LRRTM4: variants seen among roughly 807,000 people sequenced by gnomAD.
LRRTM4 encodes leucine-rich repeat transmembrane neuronal protein 4.
A neutral mutation model predicts 47.6 loss-of-function variants in LRRTM4; 25 were observed. The observed-to-expected ratio is 0.53, with a 90% CI of 0.38 to 0.73. The LOEUF is 0.73. Among genes scored for constraint, LRRTM4 ranks in the 30% least tolerant of loss-of-function variants. The probability of loss-of-function intolerance (pLI) is 0.00; values close to 1 mark genes in which losing one functional copy is unlikely to be tolerated. For synonymous variants in LRRTM4, 311 were observed against 269.5 expected (o/e 1.15, Z -1.51); for missense variants, 638 against 713.4 (o/e 0.89, Z 1.20).
At chr2:77,096,294 G>T (rs1049155443) in intron 3 of LRRTM4, among the ~76,000 whole-genome samples, 2 of 151,726 alleles carry the variant, frequency 1.3e-5, no homozygotes, top group African/African-American at 2.4e-5. Flanking sequence ...AAAAACTGTC[G>T]TAATTTAAAT....
intron 3 of LRRTM4, among the ~76,000 whole-genome samples, chr2:77,026,556 G>A (rs1188583255): frequency 6.6e-6 from 1 of 151,946 alleles, no homozygotes; most frequent in Non-Finnish European, 1.5e-5. Flanking sequence ...TAAGTGAATA[G>A]CCTATTTCTA....
At chr2:77,245,677 TTCTC>T (rs1338589396) in intron 3 of LRRTM4, among the ~76,000 whole-genome samples, 1 of 152,146 alleles carries the variant, frequency 6.6e-6, no homozygotes, top group Non-Finnish European at 1.5e-5. Flanking sequence ...CATTTTTTCT[TTCTC>T]AGAGCAAACT....
chr2:76,910,487 A>G (rs915571228), intron 3 of LRRTM4, among the ~76,000 whole-genome samples: 1 of 152,200 alleles, frequency 6.6e-6, no homozygotes, highest in Non-Finnish European at 1.5e-5. Context: ...CCTAAAACTT[A>G]AAGTATAATA....
intron 3 of LRRTM4, among the ~76,000 whole-genome samples, chr2:76,988,482 A>G (rs1477749079): frequency 6.6e-6 from 1 of 151,804 alleles, no homozygotes; most frequent in Non-Finnish European, 1.5e-5. Context: ...TCTACACAAG[A>G]GTTTTCTTTT....
intron 3 of LRRTM4, among the ~76,000 whole-genome samples, chr2:77,309,311 A>G (rs1573230429): frequency 6.6e-6 from 1 of 152,158 alleles, no homozygotes; most frequent in Non-Finnish European, 1.5e-5. Context: ...GACTCAGGAA[A>G]CGTGAAAATA....
intron 3 of LRRTM4, among the ~76,000 whole-genome samples, chr2:76,962,094 T>C (rs1675879424): frequency 6.6e-6 from 1 of 151,222 alleles, no homozygotes; most frequent in Non-Finnish European, 1.5e-5. Flanking sequence ...CTGTAACTAT[T>C]TAAAGATGAT....
At chr2:76,808,246 C>A (rs1238480883) in intron 3 of LRRTM4, among the ~76,000 whole-genome samples, 1 of 151,966 alleles carries the variant, frequency 6.6e-6, no homozygotes, top group Non-Finnish European at 1.5e-5. Context: ...TCTCGAACTC[C>A]TGACTTCGTG....
chr2:77,033,363 C>A (rs1678726968), intron 3 of LRRTM4, among the ~76,000 whole-genome samples: 1 of 151,486 alleles, frequency 6.6e-6, no homozygotes, highest in African/African-American at 2.4e-5. Context: ...AGTCTAACAG[C>A]AATGAAAGAC....
chr2:77,259,099 C>G (rs1205385413), intron 3 of LRRTM4, among the ~76,000 whole-genome samples: 2 of 151,512 alleles, frequency 1.3e-5, no homozygotes, highest in South Asian at 4.1e-4. Context: ...AATGCTCAAA[C>G]ATAAATATAA....
chr2:76,756,231 T>C lies in LRRTM4; in HGVS notation c.1552-7315A>G, dbSNP rs536541890. 1.4e-4 allele frequency among the ~76,000 whole-genome samples: 22 copies of C among 152,290 alleles called. No individual in the cohort carries two copies. In the South Asian group the frequency reaches 4.6e-3, roughly 32 times the overall value. ...GAACTTCAAGTTTTTAGACATAGCT[T>C]TGTTCCTTCAATCATTTGCAAATTA... is the stretch of plus-strand genomic sequence containing the variant. On this transcript the variant is annotated intron_variant, in intron 3 of 3. Coordinates refer to ENST00000409884, the MANE Select transcript of LRRTM4 (RefSeq NM_001134745.3).
chr2:77,076,215 C>T (rs1680332221), intron 3 of LRRTM4, among the ~76,000 whole-genome samples: 1 of 152,160 alleles, frequency 6.6e-6, no homozygotes, highest in Non-Finnish European at 1.5e-5. Context: ...CTTAGCAGAA[C>T]TTACACTGTC....
At chr2:76,836,868 G>A (rs944678211) in intron 3 of LRRTM4, among the ~76,000 whole-genome samples, 8 of 151,976 alleles carry the variant, frequency 5.3e-5, no homozygotes, top group Non-Finnish European at 8.8e-5. Flanking sequence ...TTTTTAGGCC[G>A]GTCTAAGAGA....
At position 76,800,688 on chromosome 2, in the gene LRRTM4, T is replaced by G. The variant is rs1417365242; in HGVS notation, c.1552-51772A>C. Reference sequence around the variant, plus strand: ...GGCAACCTACAAAATGGGAGAAAATTTTCACAACCTACTCATCTGACAAAG... The same window carrying G: ...GGCAACCTACAAAATGGGAGAAAATGTTCACAACCTACTCATCTGACAAAG... On this transcript the variant is annotated intron_variant, in intron 3 of 3. Transcript: ENST00000409884. Among the ~76,000 whole-genome samples the G allele has an allele frequency of 2.5e-5, 3 of 119,524 alleles. No individual in the cohort carries two copies. In the East Asian group the frequency reaches 7.5e-4, roughly 30 times the overall value. The allele number at this position is 119,524 out of a possible 152,430, so 78.4% of individuals were successfully genotyped here. A position where few individuals can be genotyped will look rare whatever the true frequency, so the allele number is the denominator to read the frequency against.
intron 3 of LRRTM4, among the ~76,000 whole-genome samples, chr2:76,883,984 A>ATT (rs72200115): frequency 2.8e-5 from 4 of 143,468 alleles, no homozygotes; most frequent in African/African-American, 1.0e-4. Flanking sequence ...CACCCGGCTA[A>ATT]TTTTTTTTTT....
intron 3 of LRRTM4, among the ~76,000 whole-genome samples, chr2:77,004,507 A>C (rs889380235): frequency 6.6e-6 from 1 of 151,866 alleles, no homozygotes; most frequent in African/African-American, 2.4e-5. Flanking sequence ...GCATGTATGA[A>C]AACACCTGGA....
intron 3 of LRRTM4, among the ~76,000 whole-genome samples, chr2:77,195,174 T>C (rs1673775537): frequency 6.6e-6 from 1 of 151,920 alleles, no homozygotes. Flanking sequence ...TAAACATATC[T>C]ATATAATTTA....
intron 3 of LRRTM4, among the ~76,000 whole-genome samples, chr2:77,037,410 C>G (rs540479797): frequency 6.6e-6 from 1 of 151,696 alleles, no homozygotes; most frequent in Non-Finnish European, 1.5e-5. Flanking sequence ...CACTATAGTT[C>G]TCTCTGTAAC....
At chr2:77,228,177 C>A (rs980374986) in intron 3 of LRRTM4, among the ~76,000 whole-genome samples, 2 of 152,040 alleles carry the variant, frequency 1.3e-5, no homozygotes, top group Non-Finnish European at 2.9e-5. Context: ...TGTTCTAGAA[C>A]AGAATTAAGA....
At chr2:77,498,386 T>C (rs1424113006) in intron 3 of LRRTM4, among the ~76,000 whole-genome samples, 2 of 151,864 alleles carry the variant, frequency 1.3e-5, no homozygotes, top group African/African-American at 2.4e-5. Flanking sequence ...GCTAGTTTCC[T>C]CCTGCACATT....
Sources: allele counts gnomAD v4.1 joint callset (sites outside exome capture counted in the v4.1 genomes callset), GRCh38; gene constraint gnomAD v4.1.1; transcripts MANE v1.5; gene names NCBI Gene and HGNC (gene_info 2026-07-23, HGNC 2026-07-21).